The following DCHS2 variants were observed in gnomAD, a reference collection of about 807,000 sequenced individuals.
The protein encoded by DCHS2 is dachsous cadherin-related 2.
In DCHS2, 142 loss-of-function variants were observed where a neutral mutation model predicts 182.4. That is an observed-to-expected ratio of 0.78 (90% CI 0.68 to 0.89). DCHS2 has a LOEUF of 0.89. Ranked by LOEUF, DCHS2 falls within the 40% of genes least tolerant of loss-of-function variation. The pLI, the probability that DCHS2 is intolerant of heterozygous loss-of-function variation, is 0.00. For missense variants in DCHS2, 4,319 were observed against 4,198.6 expected, an observed-to-expected ratio of 1.03 and a Z score of -0.79; for synonymous variants, 1,740 against 1,663.3, an observed-to-expected ratio of 1.05 and a Z score of -1.12.
At chr4:154,250,983 C>CCAAA (rs562943812) in intron 16 of DCHS2, among the ~76,000 whole-genome samples, 13 of 152,218 alleles carry the variant, frequency 8.5e-5, no homozygotes, top group Non-Finnish European at 1.5e-5. Flanking sequence ...TCCAAACATA[C>CCAAA]CAAACACTTT....
At position 154,424,453 on chromosome 4, in the gene DCHS2, T is replaced by TTTTTGC. The variant is rs555308320; in HGVS notation, c.2053-47010_2053-47009insGCAAAA. ...ATTAGGATGTGCAAAAATGAAACTT[T>TTTTTGC]ACAGTGGATAGGAAAAACTGTGCAA... On this transcript the variant is annotated intron_variant, in intron 1 of 19. Transcript: ENST00000357232. Among the ~76,000 whole-genome samples the TTTTTGC allele has an allele frequency of 7.2e-3, 1,094 of 152,288 alleles. 10 individuals carry two copies. The highest frequency in any genetic ancestry group is 0.012 in the Non-Finnish European group (805 of 68,022).
In DCHS2 at chr4:154,315,940, G is replaced by C. The variant is rs1735839611; in HGVS notation, c.5068C>G (p.His1690Asp). 2 of 1,613,906 alleles carry C rather than the reference G, an allele frequency of 1.2e-6. No homozygotes were observed. Among genetic ancestry groups the C allele is most frequent in the Admixed American group, 3.3e-5 (2 of 59,976 alleles). The change falls in exon 10 of 20, where the codon CAT becomes GAT. Residue 1690 changes from histidine to aspartate, a missense_variant. His to Asp is a moderately conservative substitution (Grantham distance 81, BLOSUM62 -1). Coordinates refer to ENST00000357232, the MANE Select transcript of DCHS2 (RefSeq NM_001358235.2). ...TCCAGTGCCAGAACAGTCAGAATAT[G>C]CTGAGTTTTCATTTCATAATCCAAA... ...CPLDYEMKTQHILTVLALDDG... is the reference protein window; with the variant it reads ...CPLDYEMKTQDILTVLALDDG...
Position 154,389,892 on chromosome 4 carries a change from T to A in DCHS2, c.2053-12448A>T, listed in dbSNP as rs141120605. Among the ~76,000 whole-genome samples, 157 of 152,178 alleles carry A rather than the reference T, an allele frequency of 1.0e-3. 2 individuals are homozygous for A. The highest frequency in any genetic ancestry group is 3.8e-3 in the African/African-American group (156 of 41,544). ...CAGAGCTCCTCTCTACCAAACACCC[T>A]GTTTCAATAAGGCCTTGTCTGCCCT... On this transcript the variant is annotated intron_variant, in intron 1 of 19. Coordinates refer to ENST00000357232, the MANE Select transcript of DCHS2 (RefSeq NM_001358235.2).
At chr4:154,268,826 AGG>A (rs1733424605) in intron 14 of DCHS2, among the ~76,000 whole-genome samples, 1 of 152,196 alleles carries the variant, frequency 6.6e-6, no homozygotes, top group South Asian at 2.1e-4. Context: ...GACTAACCCT[AGG>A]AAGATTTTAT....
intron 13 of DCHS2, among the ~76,000 whole-genome samples, chr4:154,280,344 G>A (rs1734072940): frequency 6.6e-6 from 1 of 152,110 alleles, no homozygotes; most frequent in Non-Finnish European, 1.5e-5. Context: ...AGAAATTGAA[G>A]AGGAGAGAAT....
In DCHS2 at chr4:154,332,708, T is replaced by C. The variant is rs747547341; in HGVS notation, c.3500A>G (p.Asp1167Gly). 1.2e-6 allele frequency: 2 copies of C among 1,614,108 alleles called. No individual in the cohort carries two copies. The highest frequency in any genetic ancestry group is 1.7e-6 in the Non-Finnish European group (2 of 1,180,040). Residue 1167 changes from aspartate to glycine, a missense_variant, in exon 5 of 20, where the codon GAC becomes GGC. Asp to Gly is a moderately conservative substitution (Grantham distance 94). Coordinates refer to ENST00000357232, the MANE Select transcript of DCHS2 (RefSeq NM_001358235.2). ...NFRVFAWIPE[D>G]GFLQNVSTTV... The stretch of plus-strand genomic sequence containing the variant: ...AGTGCTCACATTTTGCAAGAATCCG[T>C]CCTCGGGGATCCAAGCAAACACTCT...
intron 16 of DCHS2, among the ~76,000 whole-genome samples, chr4:154,246,326 C>A (rs547704914): frequency 6.6e-6 from 1 of 152,158 alleles, no homozygotes; most frequent in African/African-American, 2.4e-5. Context: ...TATTGAAAGA[C>A]CTTCTCTGGA....
At chr4:154,288,843 A>T (rs1172601126) in intron 13 of DCHS2, among the ~76,000 whole-genome samples, 2 of 152,176 alleles carry the variant, frequency 1.3e-5, no homozygotes, top group African/African-American at 4.8e-5. Flanking sequence ...CAATGGAAAA[A>T]TTTAAAAGAA....
intron 13 of DCHS2, among the ~76,000 whole-genome samples, chr4:154,281,559 A>G (rs1734148936): frequency 1.3e-5 from 2 of 152,204 alleles, no homozygotes; most frequent in Non-Finnish European, 2.9e-5. Context: ...AAACCATTCC[A>G]TGTTTATGAA....
chr4:154,424,243 T>C (rs35190023), intron 1 of DCHS2, among the ~76,000 whole-genome samples: 44,321 of 151,974 alleles, frequency 0.29, 7,946 homozygotes, highest in East Asian at 0.67. Context: ...AATCAGATCC[T>C]AAACTACTGT....
intron 3 of DCHS2, among the ~76,000 whole-genome samples, chr4:154,339,561 C>T (rs1353730079): frequency 2.6e-5 from 4 of 151,882 alleles, no homozygotes; most frequent in East Asian, 1.9e-4. Context: ...GCGATTCTCC[C>T]GCCTCAGCCT....
intron 13 of DCHS2, among the ~76,000 whole-genome samples, chr4:154,270,294 T>C (rs1733527162): frequency 6.6e-6 from 1 of 152,102 alleles, no homozygotes; most frequent in Non-Finnish European, 1.5e-5. Flanking sequence ...AAAGTTTCAA[T>C]TGTGTCAGGC....
intron 1 of DCHS2, among the ~76,000 whole-genome samples, chr4:154,402,253 T>C (rs1319901853): frequency 6.6e-6 from 1 of 152,222 alleles, no homozygotes; most frequent in African/African-American, 2.4e-5. Flanking sequence ...TCTTTCTTAA[T>C]GCTTATTCTG....
chr4:154,335,332 C>T (rs1430772761), intron 3 of DCHS2, among the ~76,000 whole-genome samples: 2 of 152,154 alleles, frequency 1.3e-5, no homozygotes, highest in African/African-American at 4.8e-5. Flanking sequence ...AGATCATCCT[C>T]CCTAATGTGG....
intron 1 of DCHS2, among the ~76,000 whole-genome samples, chr4:154,386,262 C>T (rs918628279): frequency 6.6e-6 from 1 of 152,206 alleles, no homozygotes; most frequent in East Asian, 1.9e-4. Flanking sequence ...TCCTCCACTC[C>T]TGTCCGACTC....
intron 1 of DCHS2, among the ~76,000 whole-genome samples, chr4:154,483,112 G>C (rs1265124959): frequency 3.3e-5 from 5 of 152,126 alleles, no homozygotes; most frequent in African/African-American, 1.2e-4. Context: ...GAGTGTGTGG[G>C]GCAGGGGGAG....
chr4:154,377,281 T>C lies in DCHS2; in HGVS notation c.2216A>G (p.Tyr739Cys). The C allele has an allele frequency of 6.2e-7, 1 of 1,613,300 alleles. No homozygotes were observed. Among genetic ancestry groups the C allele is most frequent in the South Asian group, 1.1e-5 (1 of 90,992 alleles). ...DIDRERDPAT[Y>C]DLLVEAKDGG... ...ATCCTTAGCTTCCACCAGGAGATCA[T>C]AGGTAGCTGGATCCCTTTCCCTGTC... The change falls in exon 2 of 20, where the codon TAT becomes TGT. Residue 739 changes from tyrosine to cysteine, a missense_variant. Coordinates refer to ENST00000357232, the MANE Select transcript of DCHS2 (RefSeq NM_001358235.2).
In DCHS2 at chr4:154,372,982, T is replaced by G. The variant is rs115815773; in HGVS notation, c.2244+4271A>C. ...CACCAGCAAATGGGTTCTCAGCAAT[T>G]TTCTTCTAAAGGGCTTTCAGGACAT... On this transcript the variant is annotated intron_variant, in intron 2 of 19. Transcript: ENST00000357232. Among the ~76,000 whole-genome samples the G allele has an allele frequency of 3.5e-3, 527 of 152,244 alleles. 3 individuals carry two copies. Among genetic ancestry groups the G allele is most frequent in the African/African-American group, 0.012 (500 of 41,556 alleles).
intron 1 of DCHS2, among the ~76,000 whole-genome samples, chr4:154,382,647 C>T (rs1038832868): frequency 6.6e-6 from 1 of 151,650 alleles, no homozygotes; most frequent in Non-Finnish European, 1.5e-5. Context: ...ATAATTCAAC[C>T]AGCGAAAAAC....
Sources: allele counts gnomAD v4.1 joint callset (sites outside exome capture counted in the v4.1 genomes callset), GRCh38; gene constraint gnomAD v4.1.1; transcripts MANE v1.5; gene names NCBI Gene and HGNC (gene_info 2026-07-23, HGNC 2026-07-21).